The following PHLPP1 variants were observed in gnomAD, a reference collection of about 807,000 sequenced individuals.
The protein encoded by PHLPP1 is PH domain and leucine rich repeat protein phosphatase 1, also known as PH domain leucine-rich repeat-containing protein phosphatase 1.
In PHLPP1, 42 loss-of-function variants were observed where a neutral mutation model predicts 117.2. The ratio of observed to expected loss-of-function variants is 0.36; its 90% confidence interval spans 0.28 to 0.46. PHLPP1 has a LOEUF of 0.46. Among genes scored for constraint, PHLPP1 ranks in the 20% least tolerant of loss-of-function variants. PHLPP1 has a pLI of 1.00. For synonymous variants in PHLPP1, 1,042 were observed against 970.7 expected (o/e 1.07, Z -1.37); for missense variants, 2,084 against 2,241.9 (o/e 0.93, Z 1.42).
chr18:62,730,410 T>C (rs560403010), intron 1 of PHLPP1, among the ~76,000 whole-genome samples: 1 of 152,328 alleles, frequency 6.6e-6, no homozygotes, highest in Admixed American at 6.5e-5. Context: ...GAAAGAGCAC[T>C]GGAGCCCTTC....
At chr18:62,931,878 G>GAAAA (rs61550621) in intron 10 of PHLPP1, among the ~76,000 whole-genome samples, 98 of 76,032 alleles carry the variant, frequency 1.3e-3, no homozygotes, top group East Asian at 2.9e-3. Flanking sequence ...CTGGGCGACA[G>GAAAA]AAAAAAAAAA....
chr18:62,975,688 C>T, intron 16 of PHLPP1, 63 bp downstream of exon 16: 2 of 1,054,518 alleles, frequency 1.9e-6, no homozygotes, highest in Non-Finnish European at 2.9e-6. Flanking sequence ...CAGGTCATAG[C>T]AGAAACTAGC....
chr18:62,756,072 G>C (rs1211701614), intron 1 of PHLPP1, among the ~76,000 whole-genome samples: 1 of 141,596 alleles, frequency 7.1e-6, no homozygotes, highest in Non-Finnish European at 1.5e-5. Flanking sequence ...TTAATAAAAT[G>C]TGTTAGAACA....
Position 62,945,272 on chromosome 18 carries a change from G to A in PHLPP1, c.3324+1G>A, listed in dbSNP as rs2144458476. 1 of 1,589,274 alleles carries A rather than the reference G, an allele frequency of 6.3e-7. No individual in the cohort carries two copies. Among genetic ancestry groups the A allele is most frequent in the Non-Finnish European group, 8.5e-7 (1 of 1,170,964 alleles). ...AGTTATGCAGCTCCCAGAGATCAAG[G>A]TATGTGGTTTCATTTCATAAACTCT... On this transcript the variant is annotated splice_donor_variant, in intron 12 of 16. Transcript: ENST00000262719. LOFTEE classifies it high-confidence loss of function.
At chr18:62,881,626 T>A (rs1406005284) in intron 4 of PHLPP1, among the ~76,000 whole-genome samples, 1 of 152,220 alleles carries the variant, frequency 6.6e-6, no homozygotes, top group African/African-American at 2.4e-5. Flanking sequence ...TTGGCTCAAG[T>A]GTTGACAAGC....
At chr18:62,872,725 G>A (rs1189812410) in intron 4 of PHLPP1, among the ~76,000 whole-genome samples, 2 of 151,198 alleles carry the variant, frequency 1.3e-5, no homozygotes, top group African/African-American at 4.9e-5. Flanking sequence ...GGTGGCTCAC[G>A]CCTGTAATCC....
intron 4 of PHLPP1, among the ~76,000 whole-genome samples, chr18:62,891,437 A>G (rs1916406707): frequency 6.6e-6 from 1 of 151,992 alleles, no homozygotes; most frequent in Admixed American, 6.6e-5. Context: ...AAAATACAAA[A>G]ATCAGCCAAA....
At chr18:62,741,914 G>A (rs1023484465) in intron 1 of PHLPP1, among the ~76,000 whole-genome samples, 2 of 151,794 alleles carry the variant, frequency 1.3e-5, no homozygotes, top group Non-Finnish European at 2.9e-5. Flanking sequence ...ATTGTAAGGG[G>A]CCATATAATG....
chr18:62,771,226 AAAAAG>A (rs1446422943), intron 1 of PHLPP1, among the ~76,000 whole-genome samples: 4 of 151,972 alleles, frequency 2.6e-5, no homozygotes, highest in African/African-American at 9.7e-5. Context: ...AAAAAAAAAA[AAAAAG>A]AAAGCAAAGT....
chr18:62,919,942 T>C lies in PHLPP1; in HGVS notation c.2805-17T>C. 6.4e-7 allele frequency: 1 copy of C among 1,562,238 alleles called. No homozygotes were observed. Among genetic ancestry groups the C allele is most frequent in the Non-Finnish European group, 8.7e-7 (1 of 1,152,158 alleles). ...TACTCTTTTTCATTTTTTGGTCTTT[T>C]GTCCCTTTTTATACAGCTTATTTTG... On this transcript the variant is annotated splice_polypyrimidine_tract_variant and intron_variant, in intron 9 of 16. Transcript: ENST00000262719.
At chr18:62,852,904 C>G (rs919430337) in intron 3 of PHLPP1, among the ~76,000 whole-genome samples, 1 of 152,106 alleles carries the variant, frequency 6.6e-6, no homozygotes, top group Non-Finnish European at 1.5e-5. Context: ...TGTCCTCTTG[C>G]AAGGGAAGAT....
chr18:62,960,239 T>G (rs981214417), intron 13 of PHLPP1, among the ~76,000 whole-genome samples: 2 of 152,164 alleles, frequency 1.3e-5, no homozygotes, highest in African/African-American at 2.4e-5. Context: ...CTGAAATAGT[T>G]GAATCTGTAA....
chr18:62,969,667 A>G (rs1344133469), intron 14 of PHLPP1, among the ~76,000 whole-genome samples: 2 of 152,346 alleles, frequency 1.3e-5, no homozygotes, highest in Admixed American at 1.3e-4. Flanking sequence ...TTAAGTATGT[A>G]AACATTTAGA....
chr18:62,874,657 G>GCGCA (rs1402811825), intron 4 of PHLPP1, among the ~76,000 whole-genome samples: 9 of 147,722 alleles, frequency 6.1e-5, no homozygotes, highest in African/African-American at 2.0e-4. Flanking sequence ...ACGCACGCGC[G>GCGCA]CACACACACA....
In PHLPP1 at chr18:62,895,865, T is replaced by C. The variant is rs779627534; in HGVS notation, c.2298T>C (p.Gly766=). Residue 766 remains glycine (G), a synonymous_variant, in exon 6 of 17, where the codon GGT becomes GGC. Coordinates refer to ENST00000262719, the MANE Select transcript of PHLPP1 (RefSeq NM_194449.4). Reference sequence around the variant, plus strand: ...ACATGAAGCAGCTTAGTTATCTGGGTCTTTCTTTCAATGAATTTACTGACA... The same window carrying C: ...ACATGAAGCAGCTTAGTTATCTGGGCCTTTCTTTCAATGAATTTACTGACA... ...LENMKQLSYL[G]LSFNEFTDIP... is the part of the protein sequence containing the mutation. 1 of 1,613,534 alleles carries C rather than the reference T, an allele frequency of 6.2e-7. No individual in the cohort carries two copies. Among genetic ancestry groups the C allele is most frequent in the South Asian group, 1.1e-5 (1 of 91,076 alleles).
In PHLPP1 at chr18:62,845,388, G is replaced by A. The variant is rs541003572; in HGVS notation, c.1899+6479G>A. 7.2e-5 allele frequency among the ~76,000 whole-genome samples: 11 copies of A among 152,204 alleles called. No individual in the cohort carries two copies. In the East Asian group the frequency reaches 9.6e-4, roughly 13 times the overall value. ...TAAACATGCACAGTGTAGGCAAATC[G>A]GAGCCACATTTCATGCTAAACGATC... On this transcript the variant is annotated intron_variant, in intron 3 of 16. Coordinates refer to ENST00000262719, the MANE Select transcript of PHLPP1 (RefSeq NM_194449.4).
At chr18:62,825,287 A>G (rs1914579830) in intron 1 of PHLPP1, 1 of 151,400 alleles carries the variant, frequency 6.6e-6, no homozygotes. Context: ...ATAATGTTTT[A>G]CTTTTTGGTT....
At chr18:62,948,446 T>A (rs1940976203) in intron 12 of PHLPP1, among the ~76,000 whole-genome samples, 1 of 152,256 alleles carries the variant, frequency 6.6e-6, no homozygotes, top group African/African-American at 2.4e-5. Context: ...ACAGAATCAG[T>A]ACCTTTGTTG....
At chr18:62,965,428 G>T (rs1225288872) in intron 14 of PHLPP1, among the ~76,000 whole-genome samples, 1 of 149,942 alleles carries the variant, frequency 6.7e-6, no homozygotes, top group Admixed American at 6.6e-5. Flanking sequence ...ACCCAAGAGG[G>T]AGCTACAGTT....
Sources: allele counts gnomAD v4.1 joint callset (sites outside exome capture counted in the v4.1 genomes callset), GRCh38; gene constraint gnomAD v4.1.1; transcripts MANE v1.5; gene names NCBI Gene and HGNC (gene_info 2026-07-23, HGNC 2026-07-21).